Variants in ACAD11 observed in about 807,000 individuals in gnomAD.
ACAD11 encodes the protein acyl-Coenzyme A dehydrogenase family, member 11.
ACAD11 carries 83 observed loss-of-function variants against 102.2 expected under a neutral mutation model. The ratio of observed to expected loss-of-function variants is 0.81; its 90% CI spans 0.68 to 0.97. ACAD11 has a LOEUF of 0.97. Ranked by LOEUF, ACAD11 falls within the 50% of genes least tolerant of loss-of-function variation. ACAD11 has a pLI of 0.00. For missense variants in ACAD11, 901 were observed against 951.7 expected, an observed-to-expected ratio of 0.95 and a Z score of 0.70; for synonymous variants, 324 against 319.8, an observed-to-expected ratio of 1.01 and a Z score of -0.14.
In ACAD11 at chr3:132,626,769, A is replaced by C; in HGVS notation, c.1119T>G (p.Phe373Leu). 1 of 1,613,892 alleles carries C rather than the reference A, an allele frequency of 6.2e-7. No individual in the cohort carries two copies. Among genetic ancestry groups the C allele is most frequent in the Non-Finnish European group, 8.5e-7 (1 of 1,179,952 alleles). ...LPQIDTTGQL[F>L]VQTRKGQEVL... is the part of the protein sequence containing the mutation. ...CTTCCTGACCTTTCCGAGTCTGTAC[A>C]AACAACTGTCCAGTAGTATCAATCT... is the stretch of plus-strand genomic sequence containing the variant. The change falls in exon 9 of 20, where the codon TTT (phenylalanine) becomes TTG (leucine). Residue 373 changes from phenylalanine to leucine, a missense_variant. By Grantham distance (22) the Phe-to-Leu change is conservative. Transcript: ENST00000264990.
intron 17 of ACAD11, among the ~76,000 whole-genome samples, chr3:132,562,865 G>A (rs1274380197): frequency 3.9e-5 from 6 of 152,128 alleles, no homozygotes; most frequent in Admixed American, 1.3e-4. Flanking sequence ...TCTTTTATGA[G>A]CCTTGCTTTT....
At position 132,559,218 on chromosome 3, in the gene ACAD11, G is replaced by C. The variant is rs1936974367; in HGVS notation, c.2229-133C>G. ...TCCACCAAGGTCAGGGTAAGAAAAA[G>C]GGTACCAGGAAAATAAGCTAAAGGG... On this transcript the variant is annotated intron_variant, in intron 19 of 19. Transcript: ENST00000264990. 3 of 697,500 alleles carry C rather than the reference G, an allele frequency of 4.3e-6. No individual in the cohort carries two copies. The South Asian group carries it at 5.2e-5, about 12-fold the overall frequency. The allele number at this position is 697,500 out of a possible 1,614,324, so 43.2% of individuals were successfully genotyped here. A position where few individuals can be genotyped will look rare whatever the true frequency, so the allele number is the denominator to read the frequency against.
chr3:132,655,318 G>GTTGT (rs746103556), intron 1 of ACAD11, among the ~76,000 whole-genome samples: 1 of 150,906 alleles, frequency 6.6e-6, no homozygotes, highest in Non-Finnish European at 1.5e-5. Context: ...TTTTGTTGTT[G>GTTGT]TTGTTTGTTT....
At chr3:132,577,692 C>A (rs756730104) in intron 15 of ACAD11, among the ~76,000 whole-genome samples, 1 of 152,156 alleles carries the variant, frequency 6.6e-6, no homozygotes, top group Non-Finnish European at 1.5e-5. Context: ...GCTAACTCTA[C>A]ACCCTTTTCC....
rs183935299 is a variant in ACAD11 at position 132,574,325 on chromosome 3, A to G, written c.2001+1447T>C. ...TCAGAGGCTGTATCCAGGGCCCCAGAGGGTCACACTTTCTCACCTCCTCCC... is the reference window on the plus strand; with the variant it reads ...TCAGAGGCTGTATCCAGGGCCCCAGGGGGTCACACTTTCTCACCTCCTCCC... On this transcript the variant is annotated intron_variant, in intron 17 of 19. Coordinates refer to ENST00000264990, the MANE Select transcript of ACAD11 (RefSeq NM_032169.5). Among the ~76,000 whole-genome samples, 129 of 152,264 alleles carry G rather than the reference A, an allele frequency of 8.5e-4. 1 individual carries two copies. Among genetic ancestry groups the G allele is most frequent in the Admixed American group, 5.6e-3 (86 of 15,288 alleles).
intron 13 of ACAD11, among the ~76,000 whole-genome samples, chr3:132,599,176 C>T (rs1338375732): frequency 1.3e-5 from 2 of 151,840 alleles, no homozygotes; most frequent in Non-Finnish European, 2.9e-5. Context: ...TATACAGACT[C>T]ATAACCTGGT....
rs41272317 is a variant in ACAD11, at chr3:132,618,633, C to T, written c.1414+1G>A. 2.1e-5 allele frequency: 33 copies of T among 1,579,796 alleles called. No individual in the cohort carries two copies. Among genetic ancestry groups the T allele is most frequent in the Middle Eastern group, 1.7e-4 (1 of 5,968 alleles). On this transcript the variant is annotated splice_donor_variant, in intron 11 of 19. Transcript: ENST00000264990. LOFTEE classifies it high-confidence loss of function. ...ATTATGTTTTCAATTAATGTAGTAA[C>T]CTGGTGCTTGGCAGTTAAAGACATC...
chr3:132,594,334 G>A (rs1474413738), intron 13 of ACAD11, among the ~76,000 whole-genome samples: 1 of 152,102 alleles, frequency 6.6e-6, no homozygotes, highest in Non-Finnish European at 1.5e-5. Flanking sequence ...ATCTATAAAA[G>A]AGTATCAAGA....
chr3:132,631,391 C>CA lies in ACAD11; in HGVS notation c.790dup (p.Trp264LeufsTer14). On this transcript the variant is annotated frameshift_variant, in exon 6 of 20. Coordinates refer to ENST00000264990, the MANE Select transcript of ACAD11 (RefSeq NM_032169.5). LOFTEE classifies it high-confidence loss of function. ...ATTTATCATTGGAACTGTCCTTGGC[C>CA]AAAAGTAGAACAGGGAAAAATGAGC... 6.4e-7 allele frequency: 1 copy of CA among 1,562,512 alleles called. No individual in the cohort carries two copies. The highest frequency in any genetic ancestry group is 8.7e-7 in the Non-Finnish European group (1 of 1,151,994).
intron 17 of ACAD11, among the ~76,000 whole-genome samples, chr3:132,572,383 G>T (rs1172167007): frequency 6.6e-6 from 1 of 152,096 alleles, no homozygotes; most frequent in South Asian, 2.1e-4. Context: ...AGTGCTCAAA[G>T]AAATCAGAGA....
At chr3:132,591,588 T>G (rs1297521029) in intron 13 of ACAD11, among the ~76,000 whole-genome samples, 3 of 152,156 alleles carry the variant, frequency 2.0e-5, no homozygotes, top group Non-Finnish European at 2.9e-5. Context: ...ACCTCATTCT[T>G]TCTATCATTT....
intron 16 of ACAD11, 88 bp from the exon 17 acceptor site, chr3:132,576,014 A>G: frequency 1.4e-6 from 2 of 1,469,620 alleles, no homozygotes; most frequent in Non-Finnish European, 1.8e-6. Context: ...GAAAGAGATG[A>G]GCTGCCCTTA....
rs1273819346 is a variant in ACAD11, at chr3:132,659,716, G to A, written c.36C>T (p.Ala12=). The change falls in exon 1 of 20, where the codon GCC becomes GCT. Residue 12 remains alanine (A), a synonymous_variant. Transcript: ENST00000264990. The part of the protein sequence containing the change: ...KPGATGESDL[A]EVLPQHKFDS... The stretch of plus-strand genomic sequence containing the variant: ...CGAACTTGTGCTGGGGCAGCACTTC[G>A]GCCAAATCGGACTCGCCAGTAGCAC... The A allele has an allele frequency of 6.2e-7, 1 of 1,609,018 alleles. No individual in the cohort carries two copies. The highest frequency in any genetic ancestry group is 8.5e-7 in the Non-Finnish European group (1 of 1,177,134).
rs1249948851 is a variant in ACAD11 at position 132,642,109 on chromosome 3, T to C, written c.400A>G (p.Ile134Val). 1.9e-6 allele frequency: 3 copies of C among 1,613,778 alleles called. No individual in the cohort carries two copies. The highest frequency in any genetic ancestry group is 2.2e-5 in the East Asian group (1 of 44,870). ...CGTTCTGCTGGGCTAAGTCCAGGAA[T>C]TGTTAAATCACGGAAGATTCGACCC... The part of the protein sequence containing the change: ...VQGRIFRDLT[I>V]PGLSPAERSA... Residue 134 changes from isoleucine to valine, a missense_variant, in exon 4 of 20, where the codon ATT (isoleucine) becomes GTT (valine). Ile to Val is a conservative substitution (Grantham distance 29). Transcript: ENST00000264990.
At chr3:132,622,147 G>A (rs978084432) in intron 9 of ACAD11, among the ~76,000 whole-genome samples, 1 of 152,038 alleles carries the variant, frequency 6.6e-6, no homozygotes, top group African/African-American at 2.4e-5. Flanking sequence ...TACAAACATT[G>A]TCAAAACTCT....
At chr3:132,599,505 CA>C (rs549838482) in intron 13 of ACAD11, among the ~76,000 whole-genome samples, 225 of 142,330 alleles carry the variant, frequency 1.6e-3, no homozygotes, top group African/African-American at 5.2e-3. Context: ...GACTCCATCT[CA>C]AAAAAAAAAT....
chr3:132,622,626 G>A (rs918341890), intron 9 of ACAD11, among the ~76,000 whole-genome samples: 7 of 151,958 alleles, frequency 4.6e-5, no homozygotes, highest in South Asian at 2.1e-4. Context: ...TTTGTGGCAC[G>A]GTAGGACTCA....
At chr3:132,578,057 A>G (rs1011389626) in intron 15 of ACAD11, among the ~76,000 whole-genome samples, 1 of 152,148 alleles carries the variant, frequency 6.6e-6, no homozygotes, top group African/African-American at 2.4e-5. Context: ...GTCATATTCA[A>G]TGATAAAAAG....
intron 5 of ACAD11, among the ~76,000 whole-genome samples, chr3:132,635,316 G>T (rs1047769255): frequency 3.3e-5 from 5 of 151,996 alleles, no homozygotes; most frequent in African/African-American, 7.2e-5. Flanking sequence ...ACTATGGGGG[G>T]TGGGCAGTGA....
Sources: gnomAD v4.1 joint callset for allele counts (sites outside exome capture counted in the v4.1 genomes callset) on GRCh38, gnomAD v4.1.1 for gene constraint, MANE v1.5 for transcripts, NCBI Gene and HGNC (gene_info 2026-07-23, HGNC 2026-07-21) for gene names.